The following PCDHGB4 variants were observed in gnomAD, a reference collection of about 807,000 sequenced individuals.
PCDHGB4 encodes the protein protocadherin gamma-B4.
A neutral mutation model predicts 60.5 loss-of-function variants in PCDHGB4; 38 were observed. That is an observed-to-expected ratio of 0.63 (90% CI 0.48 to 0.82). The LOEUF (loss-of-function observed/expected upper bound fraction) is 0.82. PCDHGB4 is among the 40% of genes least tolerant of loss of function. The pLI, the probability that PCDHGB4 is intolerant of heterozygous loss-of-function variation, is 0.00. For missense variants in PCDHGB4, 1,109 were observed against 1,209.6 expected, an observed-to-expected ratio of 0.92 and a Z score of 1.23; for synonymous variants, 456 against 509.7, an observed-to-expected ratio of 0.89 and a Z score of 1.42.
intron 1 of PCDHGB4, chr5:141,415,641 TA>T (rs113784532): frequency 0.022 from 22,367 of 1,034,442 alleles, 38 homozygotes; most frequent in Admixed American, 0.045. Context: ...TTACTTTTGT[TA>T]AAAAAAAAAA....
At chr5:141,433,195 T>C (rs765385329) in intron 1 of PCDHGB4, 8 of 1,582,476 alleles carry the variant, frequency 5.1e-6, no homozygotes, top group Non-Finnish European at 6.9e-6. Flanking sequence ...TGAGTTTATA[T>C]CAAATCTTCT....
chr5:141,409,295 G>A, intron 1 of PCDHGB4: 1 of 1,613,992 alleles, frequency 6.2e-7, no homozygotes, highest in Non-Finnish European at 8.5e-7. Context: ...TCCAGGAATG[G>A]TTGTTGCCCT....
chr5:141,418,663 C>T, intron 1 of PCDHGB4: 1 of 1,613,960 alleles, frequency 6.2e-7, no homozygotes, highest in South Asian at 1.1e-5. Flanking sequence ...AGGCCACTGA[C>T]CAGGACGAGG....
chr5:141,478,668 T>G (rs1411369994), intron 1 of PCDHGB4: 40 of 1,551,660 alleles, frequency 2.6e-5, no homozygotes, highest in Non-Finnish European at 3.4e-5. Flanking sequence ...CATTCACACT[T>G]TCAACTGGCC....
intron 1 of PCDHGB4, chr5:141,415,113 C>G: frequency 1.2e-6 from 2 of 1,613,642 alleles, no homozygotes; most frequent in Non-Finnish European, 1.7e-6. Context: ...AGCAAAGCCT[C>G]GTAGTGGCCG....
At chr5:141,421,875 A>C (rs1345376105) in intron 1 of PCDHGB4, 2 of 1,613,648 alleles carry the variant, frequency 1.2e-6, no homozygotes, top group South Asian at 2.2e-5. Flanking sequence ...TCACAGCTTT[A>C]GATGGAGGCG....
intron 1 of PCDHGB4, chr5:141,400,431 A>G (rs542969819): frequency 3.0e-5 from 48 of 1,614,034 alleles, no homozygotes; most frequent in African/African-American, 1.1e-4. Context: ...GTAGTGAGCA[A>G]TTGAGTTCAG....
In PCDHGB4 at chr5:141,388,334, A is replaced by G. The variant is rs2091318945; in HGVS notation, c.450A>G (p.Thr150=). The G allele has an allele frequency of 1.2e-6, 2 of 1,613,972 alleles. No individual in the cohort carries two copies. The highest frequency in any genetic ancestry group is 1.1e-5 in the South Asian group (1 of 91,076). Residue 150 remains threonine, a synonymous_variant, in exon 1 of 4, where the codon ACA becomes ACG. Coordinates refer to ENST00000519479, the MANE Select transcript of PCDHGB4 (RefSeq NM_003736.4). Reference sequence around the variant, plus strand: ...TAAGTGAGTCTGCACAGCCTGGCACACGATTTATATTAGGATCTGCCCATG... The same window carrying G: ...TAAGTGAGTCTGCACAGCCTGGCACGCGATTTATATTAGGATCTGCCCATG... ...LQISESAQPG[T]RFILGSAHDA... is the part of the protein sequence containing the mutation.
intron 1 of PCDHGB4, among the ~76,000 whole-genome samples, chr5:141,435,150 C>G (rs1256233613): frequency 6.6e-6 from 1 of 152,006 alleles, no homozygotes; most frequent in Non-Finnish European, 1.5e-5. Context: ...TTGTGATAAA[C>G]TTTTGTAAAT....
rs756706355 is a variant in PCDHGB4 at position 141,486,950 on chromosome 5, G to A, written c.2398-7857G>A. On this transcript the variant is annotated intron_variant, in intron 1 of 3. Transcript: ENST00000519479. This position sits in a 1 kb window ranked among gnomAD's most constrained non-coding sequence, Gnocchi z 5.0. The stretch of plus-strand genomic sequence containing the variant: ...TGGTGCTGGCCACCTAATCACAAAG[G>A]TGACTGCTGTGGACTTGGATTCAGG... 2 of 1,614,202 alleles carry A rather than the reference G, an allele frequency of 1.2e-6. No homozygotes were observed. The highest frequency in any genetic ancestry group is 1.7e-6 in the Non-Finnish European group (2 of 1,180,044).
intron 1 of PCDHGB4, among the ~76,000 whole-genome samples, chr5:141,448,871 G>A (rs1326162054): frequency 6.6e-6 from 1 of 152,148 alleles, no homozygotes; most frequent in Non-Finnish European, 1.5e-5. Flanking sequence ...CGTGAACCTG[G>A]GAGGCGGAGC....
chr5:141,426,085 C>T (rs1315114723), intron 1 of PCDHGB4, among the ~76,000 whole-genome samples: 7 of 152,148 alleles, frequency 4.6e-5, no homozygotes, highest in Non-Finnish European at 8.8e-5. Flanking sequence ...TCTACCAGGA[C>T]GATATTCTGT....
intron 1 of PCDHGB4, among the ~76,000 whole-genome samples, chr5:141,460,628 G>C (rs2098993821): frequency 6.6e-6 from 1 of 151,958 alleles, no homozygotes; most frequent in African/African-American, 2.4e-5. Flanking sequence ...GACAGATACA[G>C]ATATATAACT....
At chr5:141,422,144 G>T in intron 1 of PCDHGB4, 1 of 1,583,520 alleles carries the variant, frequency 6.3e-7, no homozygotes, top group Non-Finnish European at 8.5e-7. Context: ...CAAGTACGGG[G>T]GTCTCTGGAT....
intron 1 of PCDHGB4, among the ~76,000 whole-genome samples, chr5:141,437,629 G>A (rs538730617): frequency 6.6e-6 from 1 of 152,284 alleles, no homozygotes; most frequent in Non-Finnish European, 1.5e-5. Flanking sequence ...CATATAAGAT[G>A]TCAGGTTCAG....
At chr5:141,430,656 G>A in intron 1 of PCDHGB4, 1 of 1,092,670 alleles carries the variant, frequency 9.2e-7, no homozygotes, top group Non-Finnish European at 1.3e-6. Context: ...GGAAACAACG[G>A]AGGAGCTCTG....
At chr5:141,498,679 C>T (rs1454800332) in intron 2 of PCDHGB4, among the ~76,000 whole-genome samples, 1 of 152,170 alleles carries the variant, frequency 6.6e-6, no homozygotes, top group African/African-American at 2.4e-5. Flanking sequence ...CGCCTGTAAT[C>T]CCAGCACTTT....
At chr5:141,434,489 C>T (rs921000136) in intron 1 of PCDHGB4, among the ~76,000 whole-genome samples, 4 of 152,158 alleles carry the variant, frequency 2.6e-5, no homozygotes, top group Non-Finnish European at 4.4e-5. Flanking sequence ...ACACCTGGCC[C>T]GCCCAGGGCA....
intron 1 of PCDHGB4, among the ~76,000 whole-genome samples, chr5:141,472,224 A>G (rs570743680): frequency 1.4e-4 from 21 of 152,330 alleles, no homozygotes; most frequent in African/African-American, 4.1e-4. Context: ...TCTCGATCAT[A>G]TAATACATTC....
Sources: allele counts gnomAD v4.1 joint callset (sites outside exome capture counted in the v4.1 genomes callset), GRCh38; gene constraint gnomAD v4.1.1; non-coding constraint Gnocchi (gnomAD v3.1); transcripts MANE v1.5; gene names NCBI Gene and HGNC (gene_info 2026-07-23, HGNC 2026-07-21).